Variants in UBE2H observed in about 807,000 individuals in gnomAD.
UBE2H encodes ubiquitin-conjugating enzyme E2 H.
Under a neutral mutation model 29.0 loss-of-function variants are expected in UBE2H, and 3 were observed. The observed-to-expected ratio is 0.10, with a 90% CI of 0.05 to 0.27. UBE2H has a LOEUF of 0.27. Among genes scored for constraint, UBE2H ranks in the 10% least tolerant of loss-of-function variants. The pLI is 1.00. For synonymous variants in UBE2H, 69 were observed against 82.9 expected (o/e 0.83, Z 0.91); for missense variants, 68 against 228.2 (o/e 0.30, Z 4.52).
chr7:129,946,184 C>G (rs1584803744), intron 1 of UBE2H, among the ~76,000 whole-genome samples: 1 of 151,980 alleles, frequency 6.6e-6, no homozygotes, highest in African/African-American at 2.4e-5. Context: ...TCCTGAGTAG[C>G]TGGGACTACA....
At chr7:129,936,744 G>A (rs1490742969) in intron 1 of UBE2H, among the ~76,000 whole-genome samples, 2 of 150,418 alleles carry the variant, frequency 1.3e-5, no homozygotes, top group African/African-American at 4.9e-5. Flanking sequence ...ATCACCTGAG[G>A]TCAGGAGTTC....
intron 5 of UBE2H, 117 bp from the exon 6 acceptor site, chr7:129,839,452 T>A: frequency 2.1e-6 from 3 of 1,398,904 alleles, no homozygotes; most frequent in East Asian, 2.5e-5. Context: ...TGATTCTCCA[T>A]ACGAGTGTGC....
chr7:129,914,403 G>A (rs1284921155), intron 1 of UBE2H, among the ~76,000 whole-genome samples: 5 of 152,074 alleles, frequency 3.3e-5, no homozygotes, highest in African/African-American at 1.2e-4. Context: ...CTGACCTCAA[G>A]TGACCCACAC....
chr7:129,934,760 T>G (rs936365248), intron 1 of UBE2H, among the ~76,000 whole-genome samples: 1 of 141,242 alleles, frequency 7.1e-6, no homozygotes, highest in African/African-American at 2.6e-5. Flanking sequence ...AAAATATATA[T>G]AAAAAAATAA....
chr7:129,849,110 A>C (rs1480111860), intron 5 of UBE2H, among the ~76,000 whole-genome samples: 2 of 152,128 alleles, frequency 1.3e-5, no homozygotes, highest in Non-Finnish European at 2.9e-5. Flanking sequence ...AAAAACCTAT[A>C]AAGAGTCCTA....
intron 1 of UBE2H, among the ~76,000 whole-genome samples, chr7:129,901,401 C>T (rs1009210837): frequency 6.6e-6 from 1 of 152,098 alleles, no homozygotes; most frequent in African/African-American, 2.4e-5. Flanking sequence ...AGGTGACCAA[C>T]AGCGAGACTG....
At chr7:129,855,653 C>T (rs1805691470) in intron 5 of UBE2H, among the ~76,000 whole-genome samples, 1 of 152,176 alleles carries the variant, frequency 6.6e-6, no homozygotes, top group African/African-American at 2.4e-5. Flanking sequence ...GAGACGAGAA[C>T]AAGACAAAGT....
At chr7:129,841,063 T>G (rs757853134) in intron 5 of UBE2H, among the ~76,000 whole-genome samples, 11 of 152,242 alleles carry the variant, frequency 7.2e-5, no homozygotes, top group Non-Finnish European at 1.6e-4. Context: ...CAAAGGATTA[T>G]CTAGACCAAA....
chr7:129,891,134 A>C (rs74517788), intron 1 of UBE2H, among the ~76,000 whole-genome samples: 1 of 79,540 alleles, frequency 1.3e-5, no homozygotes, highest in Non-Finnish European at 2.7e-5. Flanking sequence ...AGACTCTCTC[A>C]AAAAAAAAAA....
chr7:129,945,290 C>T (rs1367496037), intron 1 of UBE2H, among the ~76,000 whole-genome samples: 1 of 152,150 alleles, frequency 6.6e-6, no homozygotes, highest in African/African-American at 2.4e-5. Flanking sequence ...AAAAAAGAAT[C>T]CAAGATGCCA....
At chr7:129,936,096 T>TA (rs1262117588) in intron 1 of UBE2H, among the ~76,000 whole-genome samples, 3 of 152,344 alleles carry the variant, frequency 2.0e-5, no homozygotes, top group Non-Finnish European at 4.4e-5. Context: ...ATGACTCTAA[T>TA]ACCTATTAAA....
At position 129,887,791 on chromosome 7, in the gene UBE2H, C is replaced by T. The variant is rs564969219; in HGVS notation, c.54-6820G>A. On this transcript the variant is annotated intron_variant, in intron 1 of 6. Coordinates refer to ENST00000355621, the MANE Select transcript of UBE2H (RefSeq NM_003344.4). The stretch of plus-strand genomic sequence containing the variant: ...GCACATGCCTGTAATCCCAGCTACT[C>T]GGGAGGCGGAGATTACGGTGAGCCA... Among the ~76,000 whole-genome samples, 463 of 152,050 alleles carry T rather than the reference C, an allele frequency of 3.0e-3. 2 individuals carry two copies. The highest frequency in any genetic ancestry group is 5.0e-3 in the Non-Finnish European group (339 of 67,982).
In UBE2H at chr7:129,834,699, A is replaced by G. The variant is rs1402504916; in HGVS notation, c.*238T>C. On this transcript the variant is annotated 3_prime_UTR_variant, in exon 7 of 7. Coordinates refer to ENST00000355621, the MANE Select transcript of UBE2H (RefSeq NM_003344.4). ...GCCACATGGACTCATGAATGCATGC[A>G]TTCAGACCGCATATTGCTACCAAAT... 7.1e-6 allele frequency: 3 copies of G among 423,402 alleles called. No individual in the cohort carries two copies. Among genetic ancestry groups the G allele is most frequent in the Non-Finnish European group, 1.2e-5 (3 of 242,472 alleles). 26.2% of individuals were successfully genotyped at this position (423,402 alleles called of 1,614,324 possible).
At chr7:129,859,210 C>A (rs1352987694) in intron 3 of UBE2H, among the ~76,000 whole-genome samples, 1 of 152,172 alleles carries the variant, frequency 6.6e-6, no homozygotes, top group Non-Finnish European at 1.5e-5. Flanking sequence ...GTTTTCTGAG[C>A]TATGAAGGTA....
At chr7:129,844,685 G>A (rs1191992326) in intron 5 of UBE2H, among the ~76,000 whole-genome samples, 1 of 152,192 alleles carries the variant, frequency 6.6e-6, no homozygotes, top group Admixed American at 6.5e-5. Context: ...TATGGTTTAT[G>A]ATGAGCAAAC....
intron 5 of UBE2H, among the ~76,000 whole-genome samples, chr7:129,845,309 C>A (rs181942788): frequency 6.6e-6 from 1 of 152,296 alleles, no homozygotes; most frequent in Admixed American, 6.5e-5. Flanking sequence ...TGGATGGGAT[C>A]TGTATGTGTG....
chr7:129,942,293 G>A (rs1039141588), intron 1 of UBE2H, among the ~76,000 whole-genome samples: 1 of 150,134 alleles, frequency 6.7e-6, no homozygotes, highest in Non-Finnish European at 1.5e-5. Context: ...CCAGCACTCT[G>A]GGAGGCCAAG....
chr7:129,940,159 C>A (rs1031199793), intron 1 of UBE2H, among the ~76,000 whole-genome samples: 60 of 151,912 alleles, frequency 3.9e-4, no homozygotes, highest in African/African-American at 8.7e-4. Flanking sequence ...TTTTATAATC[C>A]AAAAAACCTT....
chr7:129,862,674 G>C (rs56376893), intron 3 of UBE2H, among the ~76,000 whole-genome samples: 9,422 of 152,250 alleles, frequency 0.062, 367 homozygotes, highest in Non-Finnish European at 0.091. Flanking sequence ...AGCACATTAG[G>C]AGCTTGCCTG....
Sources: allele counts gnomAD v4.1 joint callset (sites outside exome capture counted in the v4.1 genomes callset), GRCh38; gene constraint gnomAD v4.1.1; transcripts MANE v1.5; gene names NCBI Gene and HGNC (gene_info 2026-07-23, HGNC 2026-07-21).